Variants in ZNF121 observed in about 807,000 individuals in gnomAD.
The protein encoded by ZNF121 is zinc finger protein 121 (clone ZHC32).
ZNF121 carries 1 observed loss-of-function variant against 2.4 expected under a neutral mutation model. The ratio of observed to expected loss-of-function variants is 0.41; its 90% CI spans 0.15 to 1.94. The LOEUF (loss-of-function observed/expected upper bound fraction) is 1.94, where lower values mean the gene tolerates loss of function less well. Among genes scored for constraint, ZNF121 ranks in the 30% most tolerant of loss-of-function variants. ZNF121 has a pLI of 0.30. For missense variants in ZNF121, 369 were observed against 466.3 expected (o/e 0.79, Z 1.92); for synonymous variants, 173 against 158.6 (o/e 1.09, Z -0.68).
In ZNF121 at chr19:9,561,078, C is replaced by G. The variant is rs2074098418; in HGVS notation, c.*4862G>C. ...ATTTGGAAAGCAAGAAATAACCCAGCAGTGCTGCAGTGGAATTAAAAGTGT... is the reference window on the plus strand; with the variant it reads ...ATTTGGAAAGCAAGAAATAACCCAGGAGTGCTGCAGTGGAATTAAAAGTGT... On this transcript the variant is annotated 3_prime_UTR_variant, in exon 4 of 4. Transcript: ENST00000320451. 6.6e-6 allele frequency: 1 copy of G among 152,164 alleles called. No individual in the cohort carries two copies. The highest frequency in any genetic ancestry group is 2.4e-5 in the African/African-American group (1 of 41,438). 9.4% of individuals were successfully genotyped at this position (152,164 alleles called of 1,614,324 possible).
At chr19:9,575,027 C>T (rs2144816890) in intron 1 of ZNF121, among the ~76,000 whole-genome samples, 1 of 152,312 alleles carries the variant, frequency 6.6e-6, no homozygotes, top group South Asian at 2.1e-4. Flanking sequence ...ATCCACCAGG[C>T]TCAGCCTCAC....
chr19:9,568,347 A>T (rs775517250), intron 2 of ZNF121, among the ~76,000 whole-genome samples, 172 bp from the exon 3 acceptor site: 18 of 151,886 alleles, frequency 1.2e-4, no homozygotes, highest in Non-Finnish European at 2.5e-4. Flanking sequence ...GGCAATCGTA[A>T]GGACTTGGGG....
At chr19:9,574,261 T>C (rs1488802492) in intron 1 of ZNF121, among the ~76,000 whole-genome samples, 1 of 152,156 alleles carries the variant, frequency 6.6e-6, no homozygotes, top group Non-Finnish European at 1.5e-5. Flanking sequence ...TTCTCCTGCC[T>C]CAGCCTCCCT....
In ZNF121 at chr19:9,561,739, G is replaced by C. The variant is rs9676336; in HGVS notation, c.*4201C>G. 0.17 allele frequency: 26,246 copies of C among 151,794 alleles called. 3,605 individuals carry two copies. Among genetic ancestry groups the C allele is most frequent in the African/African-American group, 0.38 (15,713 of 41,314 alleles). The allele number at this position is 151,794 out of a possible 1,614,324, so 9.4% of individuals were successfully genotyped here. ...TCGGCTCTACGAATAAAAAAATTAAGTGGGTGCGTTAGCATGTGCCTGTGG... is the reference window on the plus strand; with the variant it reads ...TCGGCTCTACGAATAAAAAAATTAACTGGGTGCGTTAGCATGTGCCTGTGG... On this transcript the variant is annotated 3_prime_UTR_variant, in exon 4 of 4. Transcript: ENST00000320451.
intron 1 of ZNF121, among the ~76,000 whole-genome samples, chr19:9,581,640 C>T (rs1022384518): frequency 6.6e-6 from 1 of 152,108 alleles, no homozygotes; most frequent in African/African-American, 2.4e-5. Flanking sequence ...TCATATCCCA[C>T]AGTGTGACTC....
intron 2 of ZNF121, among the ~76,000 whole-genome samples, chr19:9,568,556 G>A (rs550197732): frequency 1.3e-5 from 2 of 152,038 alleles, no homozygotes; most frequent in African/African-American, 2.4e-5. Context: ...TGTATTTTTA[G>A]TAGAGACGGG....
rs1297462670 is a variant in ZNF121, at chr19:9,583,774, G to C, written c.-160+687C>G. Among the ~76,000 whole-genome samples, 4 of 152,214 alleles carry C rather than the reference G, an allele frequency of 2.6e-5. No homozygotes were observed. The East Asian group carries it at 7.7e-4, about 29-fold the overall frequency. On this transcript the variant is annotated intron_variant, in intron 1 of 3. Transcript: ENST00000320451. ...CCCGCCTCGACCTCCCAAATGGCTG[G>C]GACTACAGGCGTGAGCCAGCGCGCC...
At chr19:9,582,232 T>C (rs995280813) in intron 1 of ZNF121, among the ~76,000 whole-genome samples, 5 of 152,166 alleles carry the variant, frequency 3.3e-5, no homozygotes, top group African/African-American at 1.2e-4. Flanking sequence ...AGCCAAGCCA[T>C]CAGACTCCCT....
At position 9,582,239 on chromosome 19, in the gene ZNF121, C is replaced by T. The variant is rs2074252876; in HGVS notation, c.-160+2222G>A. On this transcript the variant is annotated intron_variant, in intron 1 of 3. Coordinates refer to ENST00000320451, the MANE Select transcript of ZNF121 (RefSeq NM_001008727.5). ...TGAGCCGAAGCCAAGCCATCAGACT[C>T]CCTGTGACCTGCACGTATACATCCA... is the stretch of plus-strand genomic sequence containing the variant. Among the ~76,000 whole-genome samples, 3 of 152,322 alleles carry T rather than the reference C, an allele frequency of 2.0e-5. 1 individual carries two copies. The South Asian group carries it at 6.2e-4, about 32-fold the overall frequency.
intron 1 of ZNF121, among the ~76,000 whole-genome samples, chr19:9,577,281 TA>T (rs895457784): frequency 2.0e-5 from 3 of 149,868 alleles, no homozygotes; most frequent in Non-Finnish European, 4.5e-5. Flanking sequence ...CTGTCTCTAC[TA>T]AAAAAAAACA....
At chr19:9,568,974 A>G (rs561215969) in intron 2 of ZNF121, 28 bp downstream of exon 2, 1 of 152,958 alleles carries the variant, frequency 6.5e-6, no homozygotes, top group East Asian at 1.9e-4. Flanking sequence ...TGAACTTCTC[A>G]TTGACCAGGA....
At position 9,565,293 on chromosome 19, in the gene ZNF121, T is replaced by C. The variant is rs954608723; in HGVS notation, c.*647A>G. The stretch of plus-strand genomic sequence containing the variant: ...TATGGCCCCATGGTGAGTTCTCAAA[T>C]GTTGGATTGTGACCACAATCCAATC... On this transcript the variant is annotated 3_prime_UTR_variant, in exon 4 of 4. Transcript: ENST00000320451. 2 of 140,326 alleles carry C rather than the reference T, an allele frequency of 1.4e-5. No homozygotes were observed. The highest frequency in any genetic ancestry group is 5.3e-5 in the African/African-American group (2 of 37,820). The allele number at this position is 140,326 out of a possible 1,614,324, so 8.7% of individuals were successfully genotyped here. A position where few individuals can be genotyped will look rare whatever the true frequency, so the allele number is the denominator to read the frequency against.
intron 1 of ZNF121, among the ~76,000 whole-genome samples, chr19:9,577,955 G>A (rs1394361636): frequency 1.3e-5 from 2 of 151,906 alleles, no homozygotes; most frequent in East Asian, 1.9e-4. Context: ...CACTCTGGGA[G>A]GCCAAGGTGG....
Position 9,562,792 on chromosome 19 carries a change from C to G in ZNF121, c.*3148G>C, listed in dbSNP as rs1041196191. ...AAGAGCCAGGTGCAGTGGCTCACAC[C>G]TGTAATCCCAGAGTGTTGGGAGGCA... On this transcript the variant is annotated 3_prime_UTR_variant, in exon 4 of 4. Transcript: ENST00000320451. The G allele has an allele frequency of 6.6e-6, 1 of 150,900 alleles. No individual in the cohort carries two copies. The highest frequency in any genetic ancestry group is 6.7e-5 in the Admixed American group (1 of 15,032). The allele number at this position is 150,900 out of a possible 1,614,324, so 9.3% of individuals were successfully genotyped here. A position where few individuals can be genotyped will look rare whatever the true frequency, so the allele number is the denominator to read the frequency against.
chr19:9,580,310 A>T (rs2074239879), intron 1 of ZNF121, among the ~76,000 whole-genome samples: 1 of 151,648 alleles, frequency 6.6e-6, no homozygotes, highest in African/African-American at 2.4e-5. Context: ...AAAAGAAAAA[A>T]AAAAAGATAG....
chr19:9,562,424 A>G lies in ZNF121; in HGVS notation c.*3516T>C, dbSNP rs2144799363. ...CATGATTCACTCACCTCAGCCTCTC[A>G]AGGTGCTGGGATTACAGGTGTGAGC... On this transcript the variant is annotated 3_prime_UTR_variant, in exon 4 of 4. Transcript: ENST00000320451. 3.3e-6 allele frequency: 1 copy of G among 303,204 alleles called. No homozygotes were observed. Among genetic ancestry groups the G allele is most frequent in the Non-Finnish European group, 7.3e-6 (1 of 136,934 alleles). The allele number at this position is 303,204 out of a possible 1,614,324, so 18.8% of individuals were successfully genotyped here.
In ZNF121 at chr19:9,568,147, T is replaced by A. The variant is rs767544984; in HGVS notation, c.-50A>T. On this transcript the variant is annotated 5_prime_UTR_variant, in exon 3 of 4. Coordinates refer to ENST00000320451, the MANE Select transcript of ZNF121 (RefSeq NM_001008727.5). The stretch of plus-strand genomic sequence containing the variant: ...AAGCCAAAAAAAAATGTTGTTGAGG[T>A]GCTGACACTTTGGTTTTAACTTGCC... The A allele has an allele frequency of 3.3e-6, 5 of 1,514,438 alleles. No homozygotes were observed. The highest frequency in any genetic ancestry group is 3.7e-5 in the Admixed American group (2 of 53,502). The allele number at this position is 1,514,438 out of a possible 1,614,324, so 93.8% of individuals were successfully genotyped here. A position where few individuals can be genotyped will look rare whatever the true frequency, so the allele number is the denominator to read the frequency against.
At chr19:9,570,148 G>A (rs1031553583) in intron 1 of ZNF121, among the ~76,000 whole-genome samples, 2 of 152,110 alleles carry the variant, frequency 1.3e-5, no homozygotes, top group African/African-American at 4.8e-5. Flanking sequence ...AGAGGCTGCA[G>A]TGAGCCGAGA....
chr19:9,579,439 C>T (rs188438924), intron 1 of ZNF121, among the ~76,000 whole-genome samples: 1 of 152,340 alleles, frequency 6.6e-6, no homozygotes, highest in Non-Finnish European at 1.5e-5. Flanking sequence ...AATCCCAGCT[C>T]TTTAGGAGCC....
Sources: gnomAD v4.1 joint callset for allele counts (sites outside exome capture counted in the v4.1 genomes callset) on GRCh38, gnomAD v4.1.1 for gene constraint, MANE v1.5 for transcripts, NCBI Gene and HGNC (gene_info 2026-07-23, HGNC 2026-07-21) for gene names.